Variants in PACRG observed in about 807,000 individuals in gnomAD.
PACRG encodes the protein parkin coregulated gene protein.
In PACRG, 29 loss-of-function variants were observed where a neutral mutation model predicts 29.7. The ratio of observed to expected loss-of-function variants is 0.98; its 90% confidence interval spans 0.73 to 1.33. PACRG has a LOEUF of 1.33. Ranked by LOEUF, PACRG falls within the 40% of genes most tolerant of loss-of-function variation. The pLI, the probability that PACRG is intolerant of heterozygous loss-of-function variation, is 0.00. For missense variants in PACRG, 279 were observed against 316.2 expected, an observed-to-expected ratio of 0.88 and a Z score of 0.89; for synonymous variants, 116 against 118.7, an observed-to-expected ratio of 0.98 and a Z score of 0.15.
At chr6:162,808,621 A>G (rs1786564632) in intron 1 of PACRG, among the ~76,000 whole-genome samples, 1 of 152,144 alleles carries the variant, frequency 6.6e-6, no homozygotes, top group South Asian at 2.1e-4. Context: ...CATATAAAGT[A>G]TTCTGTCATC....
chr6:162,981,843 G>C (rs913924400), intron 2 of PACRG, among the ~76,000 whole-genome samples: 5 of 149,860 alleles, frequency 3.3e-5, no homozygotes, highest in African/African-American at 1.2e-4. Context: ...TTCTCAGCTT[G>C]GTCCAGTAAG....
intron 4 of PACRG, among the ~76,000 whole-genome samples, chr6:163,227,531 G>A (rs143061682): frequency 1.2e-4 from 19 of 152,308 alleles, no homozygotes; most frequent in Middle Eastern, 3.4e-3. Context: ...GAAAGATAAC[G>A]AGAGGACTGT....
At chr6:162,792,722 A>C (rs1020653172) in intron 1 of PACRG, among the ~76,000 whole-genome samples, 8 of 152,184 alleles carry the variant, frequency 5.3e-5, no homozygotes, top group Non-Finnish European at 1.5e-5. Flanking sequence ...GAGCAAGAAG[A>C]GGTGAAAAAG....
intron 1 of PACRG, among the ~76,000 whole-genome samples, chr6:162,752,397 T>C (rs374405834): frequency 1.3e-5 from 2 of 152,108 alleles, no homozygotes; most frequent in South Asian, 2.1e-4. Context: ...GGAGTTAGGA[T>C]TGGAGATTTC....
chr6:163,201,349 C>T (rs939173258), intron 4 of PACRG, among the ~76,000 whole-genome samples: 8 of 152,156 alleles, frequency 5.3e-5, no homozygotes, highest in Non-Finnish European at 8.8e-5. Context: ...GTGGATTTTT[C>T]GTAATCCTGC....
intron 1 of PACRG, among the ~76,000 whole-genome samples, chr6:162,783,342 T>G (rs1784231399): frequency 6.6e-6 from 1 of 151,968 alleles, no homozygotes; most frequent in South Asian, 2.1e-4. Flanking sequence ...AACCATTGAC[T>G]GAAAAAATGA....
chr6:162,770,539 A>G (rs548911800), intron 1 of PACRG, among the ~76,000 whole-genome samples: 1 of 152,204 alleles, frequency 6.6e-6, no homozygotes, highest in South Asian at 2.1e-4. Flanking sequence ...CATCAATCAC[A>G]TTTCCTCAAC....
At position 163,152,303 on chromosome 6, in the gene PACRG, A is replaced by G. The variant is rs557252995; in HGVS notation, c.613+62895A>G. ...AGAATAAAATGCTTCTATGGTTTCA[A>G]TGCCTTAAATTAACAGAAAATGCAC... On this transcript the variant is annotated intron_variant, in intron 4 of 4. Transcript: ENST00000366888. Among the ~76,000 whole-genome samples the G allele has an allele frequency of 2.0e-5, 3 of 152,356 alleles. No individual in the cohort carries two copies. The East Asian group carries it at 5.8e-4, about 29-fold the overall frequency.
intron 4 of PACRG, among the ~76,000 whole-genome samples, chr6:163,277,311 G>A (rs1014669893): frequency 1.3e-5 from 2 of 151,796 alleles, no homozygotes; most frequent in East Asian, 1.9e-4. Flanking sequence ...ATGCCTTTGC[G>A]TCCTCATAGT....
chr6:162,830,447 A>C (rs909184651), intron 2 of PACRG, among the ~76,000 whole-genome samples: 3 of 151,960 alleles, frequency 2.0e-5, no homozygotes, highest in Non-Finnish European at 4.4e-5. Context: ...AGTTTCTCCA[A>C]CTCTTGGCCA....
intron 4 of PACRG, among the ~76,000 whole-genome samples, chr6:163,254,822 C>G (rs574081690): frequency 2.0e-4 from 31 of 152,340 alleles, no homozygotes; most frequent in Non-Finnish European, 3.7e-4. Context: ...ACAGCTGCAC[C>G]ACTGGGCTTG....
chr6:162,951,362 G>T (rs549869911), intron 2 of PACRG, among the ~76,000 whole-genome samples: 1 of 152,324 alleles, frequency 6.6e-6, no homozygotes, highest in East Asian at 1.9e-4. Flanking sequence ...GCCCTGATTG[G>T]TTGATACAGC....
intron 2 of PACRG, among the ~76,000 whole-genome samples, chr6:163,006,413 T>C (rs1323854673): frequency 1.3e-5 from 2 of 151,548 alleles, no homozygotes; most frequent in Non-Finnish European, 3.0e-5. Flanking sequence ...TAGTGTTCTA[T>C]AAATGTCAAT....
chr6:163,011,030 G>C (rs761848849), intron 2 of PACRG, among the ~76,000 whole-genome samples: 1 of 152,100 alleles, frequency 6.6e-6, no homozygotes, highest in Non-Finnish European at 1.5e-5. Context: ...GGTGGAAAAG[G>C]GAGAAGCTGT....
At chr6:162,887,932 A>G (rs999849370) in intron 2 of PACRG, among the ~76,000 whole-genome samples, 1 of 152,136 alleles carries the variant, frequency 6.6e-6, no homozygotes, top group African/African-American at 2.4e-5. Context: ...TTTATAAACA[A>G]TGAACATTTA....
intron 2 of PACRG, chr6:163,016,279 T>A (rs1386813282): frequency 6.6e-6 from 1 of 152,216 alleles, no homozygotes; most frequent in Non-Finnish European, 1.5e-5. Flanking sequence ...AAAAGATTTT[T>A]AAAGAGGGAT....
intron 4 of PACRG, among the ~76,000 whole-genome samples, chr6:163,250,274 AG>A (rs1782851572): frequency 6.6e-6 from 1 of 152,248 alleles, no homozygotes; most frequent in African/African-American, 2.4e-5. Context: ...ATTGAAAAAT[AG>A]GAAGTACAAA....
At chr6:162,803,297 A>G (rs1786035455) in intron 1 of PACRG, among the ~76,000 whole-genome samples, 1 of 152,192 alleles carries the variant, frequency 6.6e-6, no homozygotes, top group Admixed American at 6.5e-5. Context: ...AGCAGGATAT[A>G]TTTGAGACTG....
chr6:163,266,243 T>C (rs987490431), intron 4 of PACRG, among the ~76,000 whole-genome samples: 20 of 152,220 alleles, frequency 1.3e-4, no homozygotes, highest in African/African-American at 4.8e-4. Context: ...ATAAAAATAC[T>C]GTAAAATCAG....
Sources: gnomAD v4.1 joint callset for allele counts (sites outside exome capture counted in the v4.1 genomes callset) on GRCh38, gnomAD v4.1.1 for gene constraint, MANE v1.5 for transcripts, NCBI Gene and HGNC (gene_info 2026-07-23, HGNC 2026-07-21) for gene names.